NIPAL2: variants seen among roughly 807,000 people sequenced by gnomAD.
NIPAL2 encodes NIPA-like protein 2.
NIPAL2 carries 43 observed loss-of-function variants against 48.9 expected under a neutral mutation model. The ratio of observed to expected loss-of-function variants is 0.88; its 90% CI spans 0.69 to 1.13. The LOEUF is 1.13. Ranked by LOEUF, NIPAL2 falls within the 50% of genes most tolerant of loss-of-function variation. The pLI, the probability that NIPAL2 is intolerant of heterozygous loss-of-function variation, is 0.00. For synonymous variants in NIPAL2, 167 were observed against 174.6 expected (o/e 0.96, Z 0.34); for missense variants, 446 against 461.4 (o/e 0.97, Z 0.31).
chr8:98,267,947 G>A (rs1437853402), intron 1 of NIPAL2, among the ~76,000 whole-genome samples: 1 of 152,188 alleles, frequency 6.6e-6, no homozygotes. Flanking sequence ...TCATGTGGGA[G>A]TTCAACTTCA....
intron 1 of NIPAL2, among the ~76,000 whole-genome samples, chr8:98,254,804 T>A (rs988690695): frequency 3.9e-5 from 6 of 152,232 alleles, no homozygotes; most frequent in Non-Finnish European, 5.9e-5. Context: ...GCACGCGCCA[T>A]CCTCTAGCCA....
At chr8:98,196,609 T>C (rs1810564842) in intron 8 of NIPAL2, among the ~76,000 whole-genome samples, 1 of 152,268 alleles carries the variant, frequency 6.6e-6, no homozygotes, top group Non-Finnish European at 1.5e-5. Flanking sequence ...ATGCATCATC[T>C]ACTTTGATGA....
chr8:98,195,772 G>A lies in NIPAL2; in HGVS notation c.944+170C>T, dbSNP rs535103924. 3.3e-5 allele frequency: 17 copies of A among 511,704 alleles called. 1 individual carries two copies. The Admixed American group carries it at 5.1e-4, about 15-fold the overall frequency. 31.7% of individuals were successfully genotyped at this position (511,704 alleles called of 1,614,324 possible). A position where few individuals can be genotyped will look rare whatever the true frequency, so the allele number is the denominator to read the frequency against. ...ATACCTAAGTCACAAAGCCAAAGAC[G>A]CTGAGCCCTGTTTAGGGCCTTAAGT... On this transcript the variant is annotated intron_variant, in intron 9 of 10. Transcript: ENST00000430223.
chr8:98,233,546 G>T (rs1339322249), intron 4 of NIPAL2, among the ~76,000 whole-genome samples: 2 of 152,158 alleles, frequency 1.3e-5, no homozygotes, highest in African/African-American at 4.8e-5. Context: ...GAAAAGTGAG[G>T]CTTAGAGAAG....
intron 1 of NIPAL2, among the ~76,000 whole-genome samples, chr8:98,260,691 G>C (rs1014344299): frequency 4.6e-5 from 7 of 152,272 alleles, no homozygotes; most frequent in Admixed American, 3.3e-4. Context: ...AGGCGGCAGC[G>C]AGGCTGGGGG....
At chr8:98,229,235 T>C (rs567875129) in intron 4 of NIPAL2, among the ~76,000 whole-genome samples, 2 of 152,346 alleles carry the variant, frequency 1.3e-5, no homozygotes, top group Admixed American at 1.3e-4. Context: ...AGATTTAGCT[T>C]GATAACATAC....
intron 4 of NIPAL2, among the ~76,000 whole-genome samples, chr8:98,231,581 G>A (rs1399105976): frequency 6.6e-6 from 1 of 152,120 alleles, no homozygotes; most frequent in Non-Finnish European, 1.5e-5. Context: ...GTTTTCAGCC[G>A]ATTGAAGGGG....
intron 8 of NIPAL2, among the ~76,000 whole-genome samples, chr8:98,197,958 C>A (rs1031497321): frequency 2.6e-5 from 4 of 152,192 alleles, no homozygotes; most frequent in African/African-American, 9.7e-5. Context: ...CCATGAATCA[C>A]AAAAGTTCTT....
Position 98,215,503 on chromosome 8 carries a change from C to T in NIPAL2, c.559-3002G>A, listed in dbSNP as rs181562351. ...AAGTAACAGCACTTACTGTGTGTCC[C>T]CCATACCCTGTGCACTGTTCTCAGA... On this transcript the variant is annotated intron_variant, in intron 5 of 10. Transcript: ENST00000430223. Among the ~76,000 whole-genome samples the T allele has an allele frequency of 1.1e-4, 17 of 152,252 alleles. No individual in the cohort carries two copies. The East Asian group carries it at 1.9e-3, about 17-fold the overall frequency.
intron 1 of NIPAL2, among the ~76,000 whole-genome samples, chr8:98,287,107 A>G (rs1586495513): frequency 6.7e-6 from 1 of 150,118 alleles, no homozygotes; most frequent in African/African-American, 2.4e-5. Context: ...GTCTTTCAGG[A>G]AAAAAAAACA....
rs1460222175 is a variant in NIPAL2 at position 98,191,142 on chromosome 8, A to C, written c.*1836T>G. 6.6e-6 allele frequency: 1 copy of C among 152,194 alleles called. No individual in the cohort carries two copies. Among genetic ancestry groups the C allele is most frequent in the Non-Finnish European group, 1.5e-5 (1 of 68,038 alleles). The allele number at this position is 152,194 out of a possible 1,614,324, so 9.4% of individuals were successfully genotyped here. A position where few individuals can be genotyped will look rare whatever the true frequency, so the allele number is the denominator to read the frequency against. On this transcript the variant is annotated 3_prime_UTR_variant, in exon 11 of 11. Transcript: ENST00000430223. ...TGGTGTTATGCTTGTGCCTGTGTGAAATTCTACAGTGCTGAAAATCTCATG... is the reference window on the plus strand; with the variant it reads ...TGGTGTTATGCTTGTGCCTGTGTGACATTCTACAGTGCTGAAAATCTCATG...
At chr8:98,281,424 G>A (rs1422651778) in intron 1 of NIPAL2, among the ~76,000 whole-genome samples, 1 of 152,110 alleles carries the variant, frequency 6.6e-6, no homozygotes, top group Admixed American at 6.6e-5. Context: ...TCAACTATTT[G>A]ATAGCACAAC....
Position 98,195,929 on chromosome 8 carries a change from G to C in NIPAL2, c.944+13C>G, listed in dbSNP as rs1810521670. 3.2e-6 allele frequency: 5 copies of C among 1,546,852 alleles called. No individual in the cohort carries two copies. Among genetic ancestry groups the C allele is most frequent in the African/African-American group, 1.4e-5 (1 of 73,162 alleles). ...AGAATTTCACATGCTTTACCTCTGA[G>C]ACATTTACTCACCCAAAAAGATATA... is the stretch of plus-strand genomic sequence containing the variant. On this transcript the variant is annotated intron_variant, in intron 9 of 10. Transcript: ENST00000430223.
intron 5 of NIPAL2, among the ~76,000 whole-genome samples, chr8:98,213,471 T>C (rs1811423249): frequency 6.6e-6 from 1 of 152,212 alleles, no homozygotes; most frequent in Non-Finnish European, 1.5e-5. Context: ...CTCCTGTGGT[T>C]TCCTATCACA....
At chr8:98,293,502 G>A (rs1028633585) in intron 1 of NIPAL2, among the ~76,000 whole-genome samples, 2 of 152,260 alleles carry the variant, frequency 1.3e-5, no homozygotes, top group Non-Finnish European at 2.9e-5. Context: ...AAATGGAAGA[G>A]CTGTGTTGAG....
At chr8:98,227,988 C>T (rs1054178247) in intron 4 of NIPAL2, among the ~76,000 whole-genome samples, 1 of 152,206 alleles carries the variant, frequency 6.6e-6, no homozygotes, top group Non-Finnish European at 1.5e-5. Context: ...CCCTCTGTGG[C>T]CATCAGCTGA....
chr8:98,196,130 G>A, intron 8 of NIPAL2, 125 bp from the exon 9 acceptor site: 1 of 534,548 alleles, frequency 1.9e-6, no homozygotes, highest in Non-Finnish European at 3.2e-6. Flanking sequence ...TCCTTAAAAT[G>A]CACATTCAGC....
At chr8:98,254,454 A>G (rs904690541) in intron 1 of NIPAL2, among the ~76,000 whole-genome samples, 1 of 152,206 alleles carries the variant, frequency 6.6e-6, no homozygotes, top group Non-Finnish European at 1.5e-5. Context: ...ATATGAAAGA[A>G]AGATCATCGG....
At chr8:98,201,224 G>A (rs1810783253) in intron 8 of NIPAL2, among the ~76,000 whole-genome samples, 1 of 152,100 alleles carries the variant, frequency 6.6e-6, no homozygotes, top group South Asian at 2.1e-4. Context: ...AGGAGAAGTA[G>A]TTGGCAAGCT....
Sources: gnomAD v4.1 joint callset for allele counts (sites outside exome capture counted in the v4.1 genomes callset) on GRCh38, gnomAD v4.1.1 for gene constraint, MANE v1.5 for transcripts, NCBI Gene and HGNC (gene_info 2026-07-23, HGNC 2026-07-21) for gene names.